The following RASA4 variants were observed in gnomAD, a reference collection of about 807,000 sequenced individuals.
The protein encoded by RASA4 is RAS p21 protein activator 4, also known as ras GTPase-activating protein 4.
In RASA4, 5 loss-of-function variants were observed where a neutral mutation model predicts 24.0. The observed-to-expected ratio is 0.21, with a 90% CI of 0.11 to 0.44. The LOEUF is 0.44. RASA4 is among the 20% of genes least tolerant of loss of function. RASA4 has a pLI of 0.99. For missense variants in RASA4, 38 were observed against 293.0 expected (o/e 0.13, Z 6.35); for synonymous variants, 9 against 132.7 (o/e 0.07, Z 6.41).
intron 4 of RASA4, among the ~76,000 whole-genome samples, chr7:102,606,507 G>C (rs1248650423): frequency 1.5e-4 from 15 of 97,282 alleles, no homozygotes; most frequent in East Asian, 2.7e-4. Context: ...CAAGGTGCTG[G>C]GATTATAAGC....
intron 5 of RASA4, among the ~76,000 whole-genome samples, chr7:102,602,984 G>C (rs1318288987): frequency 6.6e-6 from 1 of 150,980 alleles, no homozygotes; most frequent in East Asian, 2.0e-4. Flanking sequence ...TTTTTGAGAC[G>C]GAGTCTCGCT....
At chr7:102,603,835 C>T (rs1790480808) in intron 5 of RASA4, among the ~76,000 whole-genome samples, 1 of 93,304 alleles carries the variant, frequency 1.1e-5, no homozygotes, top group Non-Finnish European at 2.1e-5. Flanking sequence ...AGCCAGACTG[C>T]CTCAAAAAAA....
intron 18 of RASA4, among the ~76,000 whole-genome samples, chr7:102,585,826 G>GTTTCTTTTCTGTTTTTTT (rs1789750071): frequency 7.0e-6 from 1 of 143,534 alleles, no homozygotes. Flanking sequence ...AACGTTTTTT[G>GTTTCTTTTCTGTTTTTTT]TTTCTTTTCT....
At chr7:102,599,636 AAAATAAAT>A (rs1215978100) in intron 8 of RASA4, among the ~76,000 whole-genome samples, 16 of 146,302 alleles carry the variant, frequency 1.1e-4, no homozygotes, top group East Asian at 2.1e-4. Flanking sequence ...ACTCCATCTC[AAAATAAAT>A]AAATAAATAA....
rs1180246314 is a variant in RASA4, at chr7:102,605,875, G to T, written c.411C>A (p.Cys137Ter). ...AGTCTCACCTGGCCTCCAGCACAGA[G>T]CAGCGTAGCCGGCAGGCCCGGGCCC... The part of the protein sequence containing the change: ...WPGARACRLR[C>*]SVLEARDLAP... The change falls in exon 5 of 21, where the codon TGC (cysteine) becomes TGA (stop). Residue 137 changes from cysteine (C) to a stop codon, truncating the protein, a stop_gained. Coordinates refer to ENST00000262940, the MANE Select transcript of RASA4 (RefSeq NM_006989.6). LOFTEE classifies it high-confidence loss of function. 1 of 1,570,448 alleles carries T rather than the reference G, an allele frequency of 6.4e-7. No individual in the cohort carries two copies. Among genetic ancestry groups the T allele is most frequent in the Non-Finnish European group, 8.6e-7 (1 of 1,157,088 alleles).
At chr7:102,585,837 GTTTTTTTT>G (rs1186366280) in intron 18 of RASA4, among the ~76,000 whole-genome samples, 3 of 138,598 alleles carry the variant, frequency 2.2e-5, no homozygotes, top group African/African-American at 7.7e-5. Flanking sequence ...TTTCTTTTCT[GTTTTTTTT>G]TTTGTTTTTT....
chr7:102,599,978 C>T (rs1255406365), intron 7 of RASA4, 24 bp from the exon 8 acceptor site: 2 of 90,330 alleles, frequency 2.2e-5, no homozygotes, highest in African/African-American at 1.5e-4. Context: ...GGCAGTTTTC[C>T]TGGAGCTGGG....
chr7:102,603,093 T>C (rs1315431236), intron 5 of RASA4, among the ~76,000 whole-genome samples: 3 of 128,732 alleles, frequency 2.3e-5, no homozygotes, highest in African/African-American at 5.9e-5. Flanking sequence ...CCTGAGTAGC[T>C]GGGATTACAG....
At chr7:102,612,319 AAGACAGGC>A (rs1790897325) in intron 1 of RASA4, among the ~76,000 whole-genome samples, 1 of 147,968 alleles carries the variant, frequency 6.8e-6, no homozygotes, top group Non-Finnish European at 1.5e-5. Context: ...GGCTTGGCAC[AAGACAGGC>A]AGCCCATGAG....
chr7:102,610,632 G>T (rs1790803603), intron 2 of RASA4, among the ~76,000 whole-genome samples: 1 of 152,122 alleles, frequency 6.6e-6, no homozygotes, highest in South Asian at 2.1e-4. Context: ...GCCAGACTTG[G>T]GCTCCAGTGT....
chr7:102,606,724 C>A, intron 4 of RASA4, among the ~76,000 whole-genome samples: 1 of 96,122 alleles, frequency 1.0e-5, no homozygotes. Context: ...AGGCTGGTCT[C>A]AAACTCCTGA....
chr7:102,604,639 T>G, intron 5 of RASA4, among the ~76,000 whole-genome samples: 5 of 143,430 alleles, frequency 3.5e-5, no homozygotes, highest in East Asian at 2.2e-4. Flanking sequence ...GGGGAATGAA[T>G]GGCAGAGGCC....
At chr7:102,597,586 C>T (rs1196115814) in intron 8 of RASA4, among the ~76,000 whole-genome samples, 7 of 112,482 alleles carry the variant, frequency 6.2e-5, no homozygotes, top group African/African-American at 1.1e-4. Context: ...CCACCACATC[C>T]GGGTAATTTT....
intron 16 of RASA4, among the ~76,000 whole-genome samples, chr7:102,590,895 G>A (rs1174727492): frequency 7.1e-6 from 1 of 140,428 alleles, no homozygotes; most frequent in East Asian, 2.1e-4. Context: ...AGCCAAGATC[G>A]CACCATTGCA....
chr7:102,590,722 C>G (rs2133441829), intron 16 of RASA4, among the ~76,000 whole-genome samples: 1 of 128,612 alleles, frequency 7.8e-6, no homozygotes, highest in Admixed American at 7.7e-5. Context: ...AGGCGGATCA[C>G]CTGAGGTTGG....
intron 16 of RASA4, among the ~76,000 whole-genome samples, chr7:102,590,878 T>G (rs1789958203): frequency 7.2e-6 from 1 of 138,114 alleles, no homozygotes. Flanking sequence ...AGGCGGAGGT[T>G]GCGGTGAGCC....
rs1195345793 is a variant in RASA4 at position 102,580,352 on chromosome 7, CTATT to C, written c.*2415_*2418del. 10 of 99,720 alleles carry C rather than the reference CTATT, an allele frequency of 1.0e-4. No homozygotes were observed. The highest frequency in any genetic ancestry group is 3.3e-4 in the African/African-American group (10 of 30,722). The allele number at this position is 99,720 out of a possible 1,614,324, so 6.2% of individuals were successfully genotyped here. On this transcript the variant is annotated 3_prime_UTR_variant, in exon 21 of 21. Coordinates refer to ENST00000262940, the MANE Select transcript of RASA4 (RefSeq NM_006989.6). ...CATTCACAATGTGTAGCCATCACCA[CTATT>C]TAGTTCAAAAATTTCAAGTCTCCTT...
chr7:102,590,985 T>G (rs1258940745), intron 16 of RASA4, among the ~76,000 whole-genome samples: 1 of 144,256 alleles, frequency 6.9e-6, no homozygotes, highest in Non-Finnish European at 1.5e-5. Flanking sequence ...AATGCCCATG[T>G]AGTCAAATCT....
At chr7:102,597,676 G>T (rs1173340717) in intron 8 of RASA4, among the ~76,000 whole-genome samples, 1 of 141,860 alleles carries the variant, frequency 7.0e-6, no homozygotes, top group Non-Finnish European at 1.6e-5. Flanking sequence ...CACCCGCCTC[G>T]GCCACCCAAA....
Sources: gnomAD v4.1 joint callset for allele counts (sites outside exome capture counted in the v4.1 genomes callset) on GRCh38, gnomAD v4.1.1 for gene constraint, MANE v1.5 for transcripts, NCBI Gene and HGNC (gene_info 2026-07-23, HGNC 2026-07-21) for gene names.